The following GSE1 variants were observed in gnomAD, a reference collection of about 807,000 sequenced individuals.
GSE1 encodes Gse1 coiled-coil protein, also known as genetic suppressor element 1.
Under a neutral mutation model 112.6 loss-of-function variants are expected in GSE1, and 32 were observed. The ratio of observed to expected loss-of-function variants is 0.28; its 90% CI spans 0.21 to 0.38. The LOEUF (loss-of-function observed/expected upper bound fraction) is 0.38. GSE1 is among the 10% of genes least tolerant of loss of function. The pLI, the probability that GSE1 is intolerant of heterozygous loss-of-function variation, is 1.00. For missense variants in GSE1, 2,348 were observed against 1,699.2 expected (o/e 1.38, Z -6.71); for synonymous variants, 1,115 against 735.6 (o/e 1.52, Z -8.35).
chr16:85,280,772 C>T lies in GSE1; in HGVS notation c.2284-76691C>T, dbSNP rs191384003. On this transcript the variant is annotated intron_variant, in intron 1 of 2. Transcript: ENST00000637419. ...CTTTACAAAATGTCACCTTTGCCTC[C>T]TTGCAGCTGTGTCAGTGTCTCTCCA... Among the ~76,000 whole-genome samples the T allele has an allele frequency of 1.8e-4, 28 of 152,338 alleles. No individual in the cohort carries two copies. In the East Asian group the frequency reaches 5.4e-3, roughly 29 times the overall value.
In GSE1 at chr16:85,661,137, A is replaced by C. The variant is rs1462013979; in HGVS notation, c.1641-9A>C. ...TCTCCCTGACTGAAGGGTTGGTTTCACTCCCTAGGCCAGGACCAAACCGTC... is the reference window on the plus strand; with the variant it reads ...TCTCCCTGACTGAAGGGTTGGTTTCCCTCCCTAGGCCAGGACCAAACCGTC... On this transcript the variant is annotated splice_polypyrimidine_tract_variant and intron_variant, in intron 8 of 15. Coordinates refer to ENST00000253458, the MANE Select transcript of GSE1 (RefSeq NM_014615.5). 1.3e-6 allele frequency: 2 copies of C among 1,555,400 alleles called. No homozygotes were observed. Among genetic ancestry groups the C allele is most frequent in the Admixed American group, 1.9e-5 (1 of 52,782 alleles).
chr16:85,339,723 G>C (rs1463741788), intron 1 of GSE1, among the ~76,000 whole-genome samples: 2 of 152,114 alleles, frequency 1.3e-5, no homozygotes, highest in African/African-American at 4.8e-5. Flanking sequence ...TTAATCCTTT[G>C]CTGGTGAGAG....
chr16:85,212,894 G>A (rs557891182), intron 1 of GSE1, among the ~76,000 whole-genome samples: 3 of 152,162 alleles, frequency 2.0e-5, no homozygotes, highest in African/African-American at 4.8e-5. Context: ...TTGGGAGGCC[G>A]AGGCGGGAAG....
chr16:85,424,848 CA>C lies in GSE1; in HGVS notation c.2464+67206del, dbSNP rs149610710. 3.6e-3 allele frequency among the ~76,000 whole-genome samples: 552 copies of C among 152,388 alleles called. 1 individual carries two copies. The highest frequency in any genetic ancestry group is 0.012 in the African/African-American group (519 of 41,596). ...TTTCCAGCGCTGCCCGCGCAGCTGT[CA>C]CTTACAGCGATCAGTGGAAAAATCA... On this transcript the variant is annotated intron_variant, in intron 2 of 2. Coordinates refer to the GSE1 transcript ENST00000637419.
At chr16:85,555,531 G>C, upstream of GSE1, 1 of 983,980 alleles carries the variant, frequency 1.0e-6, no homozygotes, top group Non-Finnish European at 1.2e-6. Context: ...CTTCTTGGCT[G>C]TTTGGGTATT....
At chr16:85,218,973 G>A (rs971116087) in intron 1 of GSE1, among the ~76,000 whole-genome samples, 17 of 152,018 alleles carry the variant, frequency 1.1e-4, no homozygotes, top group African/African-American at 3.9e-4. Flanking sequence ...TCCACCTCCC[G>A]GGTTCACACC....
chr16:85,579,533 G>C (rs757799749), intron 1 of GSE1, among the ~76,000 whole-genome samples: 2 of 152,210 alleles, frequency 1.3e-5, no homozygotes, highest in African/African-American at 4.8e-5. Context: ...AGGCCGGGCA[G>C]GCAGGTCAGA....
chr16:85,521,590 C>T (rs962935629), intron 2 of GSE1, among the ~76,000 whole-genome samples: 2 of 152,210 alleles, frequency 1.3e-5, no homozygotes, highest in African/African-American at 4.8e-5. Context: ...CAGTGGTGTC[C>T]CTGAAGTCCC....
At chr16:85,602,265 G>A (rs2047500116) in intron 1 of GSE1, among the ~76,000 whole-genome samples, 1 of 152,196 alleles carries the variant, frequency 6.6e-6, no homozygotes, top group Non-Finnish European at 1.5e-5. Context: ...GGGAGGAGGC[G>A]GGGCGGGAGC....
intron 8 of GSE1, among the ~76,000 whole-genome samples, chr16:85,658,484 T>C (rs1222720487): frequency 6.6e-6 from 1 of 152,224 alleles, no homozygotes; most frequent in African/African-American, 2.4e-5. Context: ...TAAGAAACCC[T>C]TGGGCTCTGG....
At chr16:85,447,561 C>A (rs2049550475) in intron 2 of GSE1, among the ~76,000 whole-genome samples, 1 of 152,218 alleles carries the variant, frequency 6.6e-6, no homozygotes, top group Non-Finnish European at 1.5e-5. Flanking sequence ...CCAGCTGTCA[C>A]CATCATGGGC....
chr16:85,649,139 C>A (rs1372010306), intron 3 of GSE1, among the ~76,000 whole-genome samples: 7 of 152,164 alleles, frequency 4.6e-5, no homozygotes, highest in Non-Finnish European at 1.0e-4. Flanking sequence ...GGGTCCTGAT[C>A]TCCTCTTCTC....
chr16:85,357,843 G>GT (rs1470454773), intron 2 of GSE1, among the ~76,000 whole-genome samples: 1 of 152,156 alleles, frequency 6.6e-6, no homozygotes, highest in East Asian at 1.9e-4. Flanking sequence ...CAAAACCGTA[G>GT]TTTCATCAAC....
At chr16:85,489,007 T>G (rs755926458) in intron 2 of GSE1, among the ~76,000 whole-genome samples, 2 of 151,986 alleles carry the variant, frequency 1.3e-5, no homozygotes, top group Admixed American at 6.6e-5. Context: ...GGCAACATGG[T>G]ACAAATTACA....
chr16:85,423,461 C>T (rs2048898162), intron 2 of GSE1, among the ~76,000 whole-genome samples: 1 of 152,208 alleles, frequency 6.6e-6, no homozygotes, highest in African/African-American at 2.4e-5. Flanking sequence ...TCCAGCTGGT[C>T]TGGGGTGGCA....
chr16:85,661,506 C>T lies in GSE1; in HGVS notation c.2001C>T (p.Phe667=), dbSNP rs745735135. Residue 667 remains phenylalanine (F), a synonymous_variant, in exon 9 of 16, where the codon TTC becomes TTT. Transcript: ENST00000253458. ...GAGGGAGCCTGGAGCACCAGCCCTT[C>T]CTGCCCGGGCCCGGGCCCTTCCTGG... The part of the protein sequence containing the change: ...REGGSLEHQP[F]LPGPGPFLAE... 6 of 1,612,090 alleles carry T rather than the reference C, an allele frequency of 3.7e-6. No individual in the cohort carries two copies. In the Admixed American group the frequency reaches 8.3e-5, roughly 22 times the overall value.
At chr16:85,655,307 C>T (rs1355573118) in intron 5 of GSE1, among the ~76,000 whole-genome samples, 1 of 152,218 alleles carries the variant, frequency 6.6e-6, no homozygotes, top group Non-Finnish European at 1.5e-5. Flanking sequence ...CGATGCTTTG[C>T]TGTGTAGCAG....
At chr16:85,287,534 C>T (rs747631298) in intron 1 of GSE1, among the ~76,000 whole-genome samples, 1 of 152,134 alleles carries the variant, frequency 6.6e-6, no homozygotes, top group Admixed American at 6.5e-5. Context: ...CCAGCCACGC[C>T]GCTGCCTCAG....
chr16:85,542,188 C>T (rs1169432414), intron 2 of GSE1, among the ~76,000 whole-genome samples: 1 of 152,174 alleles, frequency 6.6e-6, no homozygotes, highest in Non-Finnish European at 1.5e-5. Context: ...GGCTGGGATG[C>T]GGGGAGGGTG....
Sources: gnomAD v4.1 joint callset for allele counts (sites outside exome capture counted in the v4.1 genomes callset) on GRCh38, gnomAD v4.1.1 for gene constraint, MANE v1.5 for transcripts, NCBI Gene and HGNC (gene_info 2026-07-23, HGNC 2026-07-21) for gene names.